MTAP: variants seen among roughly 807,000 people sequenced by gnomAD.
MTAP encodes the protein methylthioadenosine phosphorylase, also known as S-methyl-5'-thioadenosine phosphorylase.
MTAP carries 33 observed loss-of-function variants against 33.6 expected under a neutral mutation model. That is an observed-to-expected ratio of 0.98 (90% confidence interval 0.74 to 1.31). MTAP has a LOEUF of 1.31. Among genes scored for constraint, MTAP ranks in the 40% most tolerant of loss-of-function variants. MTAP has a pLI of 0.00. For synonymous variants in MTAP, 148 were observed against 125.7 expected, an observed-to-expected ratio of 1.18 and a Z score of -1.19; for missense variants, 367 against 360.0, an observed-to-expected ratio of 1.02 and a Z score of -0.16.
At chr9:21,840,905 G>T (rs1458507347) in intron 5 of MTAP, among the ~76,000 whole-genome samples, 1 of 152,154 alleles carries the variant, frequency 6.6e-6, no homozygotes, top group South Asian at 2.1e-4. Flanking sequence ...TCTGAGCAGG[G>T]CACTGCAGGA....
intron 1 of MTAP, among the ~76,000 whole-genome samples, chr9:21,909,952 G>A (rs961115759): frequency 1.3e-5 from 2 of 152,140 alleles, no homozygotes; most frequent in African/African-American, 2.4e-5. Context: ...ATTCCATGCT[G>A]TCTATCCTGT....
Position 21,815,701 on chromosome 9 carries a change from T to C in MTAP, c.120+182T>C, listed in dbSNP as rs779214146. The C allele has an allele frequency of 8.4e-4, 505 of 597,660 alleles. 9 individuals carry two copies. Among genetic ancestry groups the C allele is most frequent in the Middle Eastern group, 4.9e-3 (11 of 2,230 alleles). 37.0% of individuals were successfully genotyped at this position (597,660 alleles called of 1,614,324 possible). On this transcript the variant is annotated intron_variant, in intron 2 of 7. Transcript: ENST00000644715. ...TTCCATCAGCTGAGAAGGTGTCTGA[T>C]GGGCGCCTCACACTTTGATGTTTTG...
intron 1 of MTAP, among the ~76,000 whole-genome samples, chr9:21,910,946 C>G (rs1818566530): frequency 6.6e-6 from 1 of 151,982 alleles, no homozygotes; most frequent in African/African-American, 2.4e-5. Flanking sequence ...ATCTACCAAC[C>G]AAATGGAAAA....
intron 4 of MTAP, among the ~76,000 whole-genome samples, chr9:21,826,848 G>A (rs1025550834): frequency 1.3e-5 from 2 of 152,144 alleles, no homozygotes; most frequent in African/African-American, 2.4e-5. Context: ...GCCGTGGGGC[G>A]AGAGCGAGCA....
chr9:21,844,669 C>A (rs937194850), intron 5 of MTAP, among the ~76,000 whole-genome samples: 4 of 152,104 alleles, frequency 2.6e-5, no homozygotes, highest in Non-Finnish European at 4.4e-5. Flanking sequence ...GCATTTGACA[C>A]AATCCTCCAT....
At chr9:21,904,339 A>T (rs1818440691) in intron 1 of MTAP, among the ~76,000 whole-genome samples, 1 of 152,210 alleles carries the variant, frequency 6.6e-6, no homozygotes, top group African/African-American at 2.4e-5. Flanking sequence ...GCAGGAAAAC[A>T]AAAATGCCTG....
At chr9:21,880,694 A>C (rs1179563090) in intron 1 of MTAP, among the ~76,000 whole-genome samples, 1 of 152,122 alleles carries the variant, frequency 6.6e-6, no homozygotes, top group Non-Finnish European at 1.5e-5. Context: ...TAAACTTAAC[A>C]AAATAACTGC....
At chr9:21,850,179 C>A (rs1014811862) in intron 5 of MTAP, among the ~76,000 whole-genome samples, 17 of 152,162 alleles carry the variant, frequency 1.1e-4, no homozygotes, top group African/African-American at 4.1e-4. Flanking sequence ...ATTTGCATGC[C>A]AGAGGATGAG....
intron 1 of MTAP, among the ~76,000 whole-genome samples, chr9:21,814,256 A>AT (rs35345825): frequency 6.6e-6 from 1 of 152,060 alleles, no homozygotes; most frequent in African/African-American, 2.4e-5. Context: ...AAAGGTAACC[A>AT]TTTTTTTACG....
At chr9:21,936,936 T>A (rs142737255) in exon 8 of MTAP, 1 of 152,286 alleles carries the variant, frequency 6.6e-6, no homozygotes, top group Non-Finnish European at 1.5e-5. Context: ...TTAAAGGTTG[T>A]TTCAGAATGA....
intron 4 of MTAP, among the ~76,000 whole-genome samples, chr9:21,833,157 T>A (rs1369116066): frequency 6.6e-6 from 1 of 152,146 alleles, no homozygotes; most frequent in Non-Finnish European, 1.5e-5. Flanking sequence ...AGTGGGAGGA[T>A]CTTAGTGATA....
chr9:21,937,699 T>C (rs1405786652), downstream of MTAP: 1 of 152,244 alleles, frequency 6.6e-6, no homozygotes, highest in Non-Finnish European at 1.5e-5. Context: ...ACTTTTGATA[T>C]ATTTAATCAA....
intron 1 of MTAP, among the ~76,000 whole-genome samples, chr9:21,914,049 A>C (rs1818632081): frequency 6.6e-6 from 1 of 152,256 alleles, no homozygotes; most frequent in South Asian, 2.1e-4. Context: ...ATCACTGGCC[A>C]TCAGAGAAAT....
chr9:21,819,662 G>A (rs1824580223), intron 4 of MTAP, among the ~76,000 whole-genome samples: 1 of 152,164 alleles, frequency 6.6e-6, no homozygotes, highest in Admixed American at 6.5e-5. Context: ...ACCCAGTAAT[G>A]GGATGGCTGG....
Position 21,862,279 on chromosome 9 carries a change from A to G in MTAP, c.*265A>G. ...TTTAAGGGGGAAAAAAAAACCCACCATTCTCTTCTCCCCCTATTAAATTTG... is the reference window on the plus strand; with the variant it reads ...TTTAAGGGGGAAAAAAAAACCCACCGTTCTCTTCTCCCCCTATTAAATTTG... On this transcript the variant is annotated 3_prime_UTR_variant, in exon 8 of 8. Coordinates refer to ENST00000644715, the MANE Select transcript of MTAP (RefSeq NM_002451.4). The G allele has an allele frequency of 1.5e-6, 1 of 687,752 alleles. No individual in the cohort carries two copies. 42.6% of individuals were successfully genotyped at this position (687,752 alleles called of 1,614,324 possible).
In MTAP at chr9:21,844,801, A is replaced by G. The variant is rs144123271; in HGVS notation, c.450+6791A>G. On this transcript the variant is annotated intron_variant, in intron 5 of 7. Transcript: ENST00000644715. Reference sequence around the variant, plus strand: ...TGTAATCCCAGCACTTTGGGAGGCCAAGGCGGGCGGATCACAAGGTCAGAT... The same window carrying G: ...TGTAATCCCAGCACTTTGGGAGGCCGAGGCGGGCGGATCACAAGGTCAGAT... Among the ~76,000 whole-genome samples the G allele has an allele frequency of 7.7e-3, 1,169 of 152,240 alleles. 13 individuals are homozygous for G. Among genetic ancestry groups the G allele is most frequent in the African/African-American group, 0.023 (968 of 41,538 alleles).
chr9:21,865,680 G>T lies in MTAP; in HGVS notation c.*3666G>T. The T allele has an allele frequency of 9.8e-7, 1 of 1,015,750 alleles. No individual in the cohort carries two copies. The highest frequency in any genetic ancestry group is 1.2e-6 in the Non-Finnish European group (1 of 845,528). The allele number at this position is 1,015,750 out of a possible 1,614,324, so 62.9% of individuals were successfully genotyped here. ...CGAGGAAATCTACCAAGACTAGTAG[G>T]GTAGTCCAGAAGAAGCTGTTTCAGG... On this transcript the variant is annotated 3_prime_UTR_variant, in exon 8 of 8. Transcript: ENST00000644715.
At chr9:21,825,242 C>G (rs1824761506) in intron 4 of MTAP, among the ~76,000 whole-genome samples, 1 of 152,156 alleles carries the variant, frequency 6.6e-6, no homozygotes, top group South Asian at 2.1e-4. Flanking sequence ...CATCTTGGAA[C>G]CGCCTCTCCC....
downstream of MTAP, among the ~76,000 whole-genome samples, chr9:21,939,347 A>T (rs140512635): frequency 1.3e-4 from 20 of 152,332 alleles, no homozygotes; most frequent in African/African-American, 3.4e-4. Context: ...TTTCGTTTGA[A>T]ACATTGCTGT....
Sources: allele counts gnomAD v4.1 joint callset (sites outside exome capture counted in the v4.1 genomes callset), GRCh38; gene constraint gnomAD v4.1.1; transcripts MANE v1.5; gene names NCBI Gene and HGNC (gene_info 2026-07-23, HGNC 2026-07-21).